The following PFKFB3 variants were observed in gnomAD, a reference collection of about 807,000 sequenced individuals.
The protein encoded by PFKFB3 is 6-phosphofructo-2-kinase/fructose-2,6-bisphosphatase 3.
In PFKFB3, 33 loss-of-function variants were observed where a neutral mutation model predicts 68.0. The observed-to-expected ratio is 0.49, with a 90% confidence interval of 0.37 to 0.65. The LOEUF is 0.65. Among genes scored for constraint, PFKFB3 ranks in the 30% least tolerant of loss-of-function variants. The probability of loss-of-function intolerance (pLI) is 0.00; values close to 1 mark genes in which losing one functional copy is unlikely to be tolerated. For missense variants in PFKFB3, 586 were observed against 712.2 expected (o/e 0.82, Z 2.02); for synonymous variants, 315 against 288.2 (o/e 1.09, Z -0.94).
chr10:6,288,185 G>A, the PFKFB3 span, among the ~76,000 whole-genome samples: 1 of 148,262 alleles, frequency 6.7e-6, no homozygotes, highest in Non-Finnish European at 1.5e-5. Context: ...CTTTCGTCTG[G>A]CTTCTTTCTT....
Position 6,185,650 on chromosome 10 carries a change from T to TTTG in PFKFB3, c.17-27971_17-27970insGTT, listed in dbSNP as rs1183265693. Among the ~76,000 whole-genome samples, 5 of 150,484 alleles carry TTTG rather than the reference T, an allele frequency of 3.3e-5. No homozygotes were observed. In the East Asian group the frequency reaches 9.8e-4, roughly 30 times the overall value. ...CTTCCTCCCCGCTCCTTTTTTTTTT[T>TTTG]TTTTTTTGAGATGGAGTTTCACTTT... On this transcript the variant is annotated intron_variant, in intron 1 of 14. Transcript: ENST00000379789.
chr10:6,223,088 G>A, intron 11 of PFKFB3, 104 bp downstream of exon 11: 8 of 1,201,722 alleles, frequency 6.7e-6, no homozygotes, highest in Non-Finnish European at 9.3e-6. Flanking sequence ...GTTGGCTGCT[G>A]TGCCATGGGG....
chr10:6,288,807 T>G, the PFKFB3 span, among the ~76,000 whole-genome samples: 1 of 152,304 alleles, frequency 6.6e-6, no homozygotes, highest in East Asian at 1.9e-4. Context: ...TGAACTAGCT[T>G]ACAGTCCCAC....
At chr10:6,224,322 C>G (rs1005010271) in intron 13 of PFKFB3, 109 bp downstream of exon 13, 15 of 1,038,918 alleles carry the variant, frequency 1.4e-5, no homozygotes, top group Middle Eastern at 3.0e-4. Context: ...GCTGGCCTGT[C>G]TGGGGCCATG....
At chr10:6,236,280 G>A (rs769411932), downstream of PFKFB3, among the ~76,000 whole-genome samples, 2 of 152,306 alleles carry the variant, frequency 1.3e-5, no homozygotes, top group Admixed American at 6.5e-5. Flanking sequence ...AGGTTGAGCC[G>A]GTTATTTCAC....
chr10:6,159,406 A>AC (rs1491358301), intron 1 of PFKFB3, among the ~76,000 whole-genome samples: 1 of 151,638 alleles, frequency 6.6e-6, no homozygotes, highest in Non-Finnish European at 1.5e-5. Context: ...ATTAAAAAAA[A>AC]CAAAAAAAAG....
intron 1 of PFKFB3, among the ~76,000 whole-genome samples, chr10:6,164,985 ATC>A (rs1842084799): frequency 1.3e-5 from 2 of 150,432 alleles, no homozygotes; most frequent in Admixed American, 1.3e-4. Flanking sequence ...GCTTCCTCTT[ATC>A]TCAACTGCAA....
intron 10 of PFKFB3, 46 bp from the exon 11 acceptor site, chr10:6,222,809 C>A: frequency 1.3e-6 from 2 of 1,572,732 alleles, no homozygotes; most frequent in South Asian, 2.3e-5. Flanking sequence ...GGCAGAGCCC[C>A]TCCCGAGTGC....
intron 1 of PFKFB3, among the ~76,000 whole-genome samples, chr10:6,195,216 G>A (rs993513462): frequency 5.3e-5 from 8 of 152,144 alleles, no homozygotes; most frequent in African/African-American, 1.9e-4. Flanking sequence ...TGGTGTCAGG[G>A]TCATAGAAGA....
At chr10:6,281,828 G>C in the PFKFB3 span, among the ~76,000 whole-genome samples, 2 of 152,126 alleles carry the variant, frequency 1.3e-5, no homozygotes, top group Non-Finnish European at 2.9e-5. Flanking sequence ...TAAGAAGGCA[G>C]ATGCAGCAAA....
chr10:6,153,582 G>T (rs534569840), intron 1 of PFKFB3, among the ~76,000 whole-genome samples: 24 of 152,282 alleles, frequency 1.6e-4, no homozygotes, highest in African/African-American at 4.6e-4. Context: ...GGCTGGGCGA[G>T]GTGGCTCACA....
At chr10:6,276,814 C>T in the PFKFB3 span, among the ~76,000 whole-genome samples, 8 of 147,116 alleles carry the variant, frequency 5.4e-5, no homozygotes, top group Non-Finnish European at 1.2e-4. Flanking sequence ...CAGAACCTAC[C>T]TAGATTTCCC....
the PFKFB3 span, among the ~76,000 whole-genome samples, chr10:6,302,043 T>G: frequency 7.2e-6 from 1 of 139,440 alleles, no homozygotes; most frequent in Non-Finnish European, 1.6e-5. Flanking sequence ...TTGCGATTTT[T>G]CTTTTCTTTT....
chr10:6,185,021 A>G (rs1842832125), intron 1 of PFKFB3, among the ~76,000 whole-genome samples: 1 of 152,164 alleles, frequency 6.6e-6, no homozygotes, highest in Non-Finnish European at 1.5e-5. Context: ...TTATTTAACA[A>G]GTTAGCCTGG....
In PFKFB3 at chr10:6,203,197, C is replaced by T. The variant is rs1002848515; in HGVS notation, c.-64C>T. ...CCTCCTTTGTTCCGGGGGTCGGCGG[C>T]CGCTCTCCTGCCAGCGTCGGGATCT... is the stretch of plus-strand genomic sequence containing the variant. On this transcript the variant is annotated 5_prime_UTR_variant, in exon 1 of 15. Coordinates refer to ENST00000379775, the MANE Select transcript of PFKFB3 (RefSeq NM_004566.4). 55 of 1,575,956 alleles carry T rather than the reference C, an allele frequency of 3.5e-5. No individual in the cohort carries two copies. The highest frequency in any genetic ancestry group is 5.8e-5 in the South Asian group (5 of 86,744).
intron 14 of PFKFB3, among the ~76,000 whole-genome samples, chr10:6,226,959 G>A (rs149492653): frequency 0.017 from 2,552 of 152,180 alleles, 37 homozygotes; most frequent in Non-Finnish European, 0.028. Context: ...GGAGGCGGGC[G>A]CCTGTAATCC....
Position 6,229,655 on chromosome 10 carries a change from T to C in PFKFB3, c.1516-3240T>C, listed in dbSNP as rs557454255. On this transcript the variant is annotated intron_variant, in intron 14 of 14. Coordinates refer to ENST00000379775, the MANE Select transcript of PFKFB3 (RefSeq NM_004566.4). This position sits in a 1 kb window ranked among gnomAD's most constrained non-coding sequence, Gnocchi z 4.3. ...ATGCGCGGGGCCAGCGTGCAGTGCTTCAGGATCTGGGCTTCTCCTTGTGTG... is the reference window on the plus strand; with the variant it reads ...ATGCGCGGGGCCAGCGTGCAGTGCTCCAGGATCTGGGCTTCTCCTTGTGTG... Among the ~76,000 whole-genome samples the C allele has an allele frequency of 1.3e-5, 2 of 152,332 alleles. No individual in the cohort carries two copies. Among genetic ancestry groups the C allele is most frequent in the South Asian group, 4.2e-4 (2 of 4,814 alleles).
At chr10:6,225,315 A>C (rs1043774407) in intron 13 of PFKFB3, 3 of 415,322 alleles carry the variant, frequency 7.2e-6, no homozygotes, top group African/African-American at 6.1e-5. Flanking sequence ...TGTCCGCCCC[A>C]GTCGCTGGCA....
chr10:6,174,362 G>A (rs1466684866), intron 1 of PFKFB3, among the ~76,000 whole-genome samples: 1 of 152,192 alleles, frequency 6.6e-6, no homozygotes, highest in East Asian at 1.9e-4. Context: ...AGTCCTCTCT[G>A]GTAAACAATA....
Sources: gnomAD v4.1 joint callset for allele counts (sites outside exome capture counted in the v4.1 genomes callset) on GRCh38, gnomAD v4.1.1 for gene constraint, Gnocchi (gnomAD v3.1) non-coding constraint, MANE v1.5 for transcripts, NCBI Gene and HGNC (gene_info 2026-07-23, HGNC 2026-07-21) for gene names.